Variants in HPSE2 observed in about 807,000 individuals in gnomAD.
HPSE2 encodes the protein heparanase 2 (inactive).
In HPSE2, 38 loss-of-function variants were observed where a neutral mutation model predicts 60.5. That is an observed-to-expected ratio of 0.63 (90% CI 0.48 to 0.82). The LOEUF (loss-of-function observed/expected upper bound fraction) is 0.82. Among genes scored for constraint, HPSE2 ranks in the 40% least tolerant of loss-of-function variants. The pLI, the probability that HPSE2 is intolerant of heterozygous loss-of-function variation, is 0.00. For missense variants in HPSE2, 713 were observed against 740.4 expected, an observed-to-expected ratio of 0.96 and a Z score of 0.43; for synonymous variants, 295 against 293.2, an observed-to-expected ratio of 1.01 and a Z score of -0.06.
intron 3 of HPSE2, among the ~76,000 whole-genome samples, chr10:99,116,984 C>T (rs1398697730): frequency 6.6e-6 from 1 of 151,862 alleles, no homozygotes; most frequent in African/African-American, 2.4e-5. Flanking sequence ...AACTGCTAAC[C>T]TGGTAGGGGT....
intron 6 of HPSE2, among the ~76,000 whole-genome samples, chr10:98,685,309 C>A (rs1332550122): frequency 6.6e-6 from 1 of 152,090 alleles, no homozygotes; most frequent in Non-Finnish European, 1.5e-5. Context: ...GAATCTTAAG[C>A]ATATCATTTG....
chr10:99,002,302 G>A (rs947372078), intron 3 of HPSE2, among the ~76,000 whole-genome samples: 3 of 152,044 alleles, frequency 2.0e-5, no homozygotes, highest in Admixed American at 6.6e-5. Flanking sequence ...CATGGAGGTG[G>A]AGCATAACTC....
At chr10:98,836,239 C>T (rs1349781463) in intron 3 of HPSE2, among the ~76,000 whole-genome samples, 3 of 152,138 alleles carry the variant, frequency 2.0e-5, no homozygotes, top group Non-Finnish European at 4.4e-5. Context: ...TGATAAAAGC[C>T]AATTAGACCT....
chr10:99,184,522 CAAAA>C (rs200059066), intron 2 of HPSE2, among the ~76,000 whole-genome samples: 44 of 60,686 alleles, frequency 7.3e-4, no homozygotes, highest in African/African-American at 1.2e-3. Context: ...GAGACTGTCT[CAAAA>C]AAAAAAAAAA....
chr10:99,003,814 CT>C (rs1956830793), intron 3 of HPSE2, among the ~76,000 whole-genome samples: 1 of 151,984 alleles, frequency 6.6e-6, no homozygotes. Flanking sequence ...TGTGCAGAAA[CT>C]TTTTAGTTTG....
At chr10:98,620,461 G>A in intron 8 of HPSE2, 141 bp downstream of exon 8, 1 of 705,182 alleles carries the variant, frequency 1.4e-6, no homozygotes, top group Non-Finnish European at 2.6e-6. Flanking sequence ...AATGGTTTAA[G>A]ACACACATGA....
intron 3 of HPSE2, among the ~76,000 whole-genome samples, chr10:98,960,648 T>G (rs1235864618): frequency 6.7e-6 from 1 of 149,162 alleles, no homozygotes; most frequent in Non-Finnish European, 1.5e-5. Context: ...TGTTTGTATA[T>G]CTAATACAAC....
intron 3 of HPSE2, among the ~76,000 whole-genome samples, chr10:98,850,736 C>CAAA (rs11345838): frequency 4.2e-5 from 3 of 71,874 alleles, no homozygotes; most frequent in African/African-American, 5.7e-5. Context: ...GACTCCATCT[C>CAAA]AAAAAAAAAA....
chr10:99,021,833 A>C (rs1473927670), intron 3 of HPSE2, among the ~76,000 whole-genome samples: 1 of 151,880 alleles, frequency 6.6e-6, no homozygotes, highest in African/African-American at 2.4e-5. Flanking sequence ...AAAAAAAAAA[A>C]AAAACCCCAA....
intron 3 of HPSE2, among the ~76,000 whole-genome samples, chr10:98,770,265 T>A (rs1442245183): frequency 6.6e-6 from 1 of 152,184 alleles, no homozygotes; most frequent in African/African-American, 2.4e-5. Flanking sequence ...CCATTCTGAA[T>A]AAGGAATTAT....
At chr10:99,119,559 A>G (rs1197028810) in intron 3 of HPSE2, among the ~76,000 whole-genome samples, 1 of 152,212 alleles carries the variant, frequency 6.6e-6, no homozygotes, top group Admixed American at 6.5e-5. Context: ...TAAACTACCA[A>G]TGGCATTCTT....
At chr10:99,137,779 T>C (rs1466879165) in intron 3 of HPSE2, among the ~76,000 whole-genome samples, 12 of 152,032 alleles carry the variant, frequency 7.9e-5, no homozygotes, top group Non-Finnish European at 4.4e-5. Flanking sequence ...ACCTGGGACC[T>C]TAAAAATCCT....
intron 3 of HPSE2, among the ~76,000 whole-genome samples, chr10:98,974,561 C>T (rs962731353): frequency 1.1e-4 from 16 of 152,058 alleles, no homozygotes; most frequent in Non-Finnish European, 1.9e-4. Context: ...CCACTGCACC[C>T]GGCCTAGTTT....
chr10:99,201,904 G>T (rs974782792), intron 2 of HPSE2, among the ~76,000 whole-genome samples: 3 of 151,970 alleles, frequency 2.0e-5, no homozygotes, highest in Non-Finnish European at 4.4e-5. Flanking sequence ...TGAACACGAC[G>T]CCATACTCCA....
chr10:98,597,976 A>AAG (rs1266850836), intron 9 of HPSE2, among the ~76,000 whole-genome samples: 6 of 111,664 alleles, frequency 5.4e-5, no homozygotes, highest in Non-Finnish European at 1.0e-4. Flanking sequence ...ATCTCAAAAA[A>AAG]AAAAAAAAAA....
intron 5 of HPSE2, among the ~76,000 whole-genome samples, chr10:98,719,284 C>T (rs1948862645): frequency 6.6e-6 from 1 of 152,054 alleles, no homozygotes; most frequent in African/African-American, 2.4e-5. Context: ...CAAATGGGGT[C>T]CTGACCCTAC....
the HPSE2 span, among the ~76,000 whole-genome samples, chr10:99,269,022 G>A: frequency 1.3e-5 from 2 of 152,038 alleles, no homozygotes; most frequent in African/African-American, 4.8e-5. Context: ...AGCTGGGCAT[G>A]GTGGCAGGTA....
chr10:98,957,441 G>T (rs959084399), intron 3 of HPSE2, among the ~76,000 whole-genome samples: 2 of 152,164 alleles, frequency 1.3e-5, no homozygotes, highest in Non-Finnish European at 2.9e-5. Context: ...GCTACAGCAT[G>T]AAGTCAGAAG....
At chr10:99,109,939 G>C (rs1844395214) in intron 3 of HPSE2, among the ~76,000 whole-genome samples, 1 of 152,132 alleles carries the variant, frequency 6.6e-6, no homozygotes, top group African/African-American at 2.4e-5. Context: ...AAGGCCTGGA[G>C]TCAGTGATGT....
Sources: gnomAD v4.1 joint callset for allele counts (sites outside exome capture counted in the v4.1 genomes callset) on GRCh38, gnomAD v4.1.1 for gene constraint, MANE v1.5 for transcripts, NCBI Gene and HGNC (gene_info 2026-07-23, HGNC 2026-07-21) for gene names.